Variants in SERPINA11 observed in about 807,000 individuals in gnomAD.
SERPINA11 encodes the protein serpin A11.
Under a neutral mutation model 29.4 loss-of-function variants are expected in SERPINA11, and 28 were observed. The observed-to-expected ratio is 0.95, with a 90% CI of 0.70 to 1.30. SERPINA11 has a LOEUF of 1.30. Ranked by LOEUF, SERPINA11 falls within the 50% of genes most tolerant of loss-of-function variation. The pLI, the probability that SERPINA11 is intolerant of heterozygous loss-of-function variation, is 0.00. For missense variants in SERPINA11, 530 were observed against 507.3 expected (o/e 1.04, Z -0.43); for synonymous variants, 253 against 206.6 (o/e 1.22, Z -1.92).
rs1423420871 is a variant in SERPINA11, at chr14:94,448,183, C to T, written c.592G>A (p.Glu198Lys). 6 of 1,614,230 alleles carry T rather than the reference C, an allele frequency of 3.7e-6. No individual in the cohort carries two copies. The highest frequency in any genetic ancestry group is 1.3e-5 in the African/African-American group (1 of 75,072). The change falls in exon 2 of 5, where the codon GAG (glutamate) becomes AAG (lysine). Residue 198 changes from glutamate to lysine, a missense_variant. Physicochemically the swap from Glu to Lys is moderately conservative, Grantham distance 56. Coordinates refer to ENST00000334708, the MANE Select transcript of SERPINA11 (RefSeq NM_001080451.2). ...TYGQVVDCLP[E>K]FSQDTFMVLA... ...ACCATGAACGTGTCCTGGCTGAACT[C>T]CGGGAGGCAGTCCACGACTTGCCCG... is the stretch of plus-strand genomic sequence containing the variant.
intron 1 of SERPINA11, among the ~76,000 whole-genome samples, chr14:94,451,528 A>C (rs1898586233): frequency 6.6e-6 from 1 of 152,206 alleles, no homozygotes; most frequent in Non-Finnish European, 1.5e-5. Flanking sequence ...TTTCTGGTTT[A>C]TTCTTTTTAT....
chr14:94,449,378 T>C, intron 1 of SERPINA11, among the ~76,000 whole-genome samples: 1 of 118,122 alleles, frequency 8.5e-6, no homozygotes, highest in Admixed American at 8.9e-5. Context: ...TTCCATAGTC[T>C]AGCCTCCCTC....
In SERPINA11 at chr14:94,448,488, G is replaced by C. The variant is rs779895184; in HGVS notation, c.287C>G (p.Ser96Ter). 1.2e-6 allele frequency: 2 copies of C among 1,614,206 alleles called. No individual in the cohort carries two copies. The highest frequency in any genetic ancestry group is 2.2e-5 in the South Asian group (2 of 91,078). Reference sequence around the variant, plus strand: ...TCCCAGGCCCTCCAGGATCAGAGCTGAGGTGTTAGCTTGGGCCCCAAGAGA... The same window carrying C: ...TCCCAGGCCCTCCAGGATCAGAGCTCAGGTGTTAGCTTGGGCCCCAAGAGA... ...LLSLGAQANT[S>*]ALILEGLGFN... Residue 96 changes from serine (S) to a stop codon, truncating the protein, a stop_gained, in exon 2 of 5, where the codon TCA (serine) becomes TGA (stop). Transcript: ENST00000334708. LOFTEE classifies it high-confidence loss of function.
intron 3 of SERPINA11, among the ~76,000 whole-genome samples, chr14:94,443,431 G>A (rs972634995): frequency 9.9e-5 from 15 of 152,116 alleles, no homozygotes; most frequent in Non-Finnish European, 2.9e-5. Context: ...GGAATATCTT[G>A]TGGCTGGATC....
In SERPINA11 at chr14:94,448,322, C is replaced by A; in HGVS notation, c.453G>T (p.Gln151His). 6.2e-7 allele frequency: 1 copy of A among 1,614,244 alleles called. No individual in the cohort carries two copies. The highest frequency in any genetic ancestry group is 8.5e-7 in the Non-Finnish European group (1 of 1,180,044). Residue 151 changes from glutamine (Q) to histidine (H), a missense_variant, in exon 2 of 5, where the codon CAG becomes CAT. Physicochemically the swap from Gln to His is conservative, Grantham distance 24. Transcript: ENST00000334708. Reference protein sequence around the residue: ...LFLDKRLKPRQHYLDSIKELY... With the variant: ...LFLDKRLKPRHHYLDSIKELY... ...GCTCCTTGATGCTGTCCAAATAGTG[C>A]TGCCGAGGCTTTAGTCGCTTGTCTA...
At chr14:94,450,594 T>C (rs776248037) in intron 1 of SERPINA11, among the ~76,000 whole-genome samples, 1 of 152,186 alleles carries the variant, frequency 6.6e-6, no homozygotes, top group Admixed American at 6.5e-5. Context: ...CCTCCAGAAC[T>C]GTGAGTCAAA....
intron 3 of SERPINA11, among the ~76,000 whole-genome samples, chr14:94,444,770 A>G (rs932791940): frequency 6.6e-6 from 1 of 152,170 alleles, no homozygotes; most frequent in Non-Finnish European, 1.5e-5. Flanking sequence ...ACTTTTGGAT[A>G]TGTGGGGTGG....
intron 3 of SERPINA11, among the ~76,000 whole-genome samples, chr14:94,443,828 G>A (rs984299975): frequency 5.3e-5 from 8 of 152,152 alleles, no homozygotes; most frequent in African/African-American, 1.4e-4. Flanking sequence ...CTGCTTCTGC[G>A]TTTGGAGCAT....
At chr14:94,442,894 G>A in intron 4 of SERPINA11, 85 bp from the exon 5 acceptor site, 12 of 1,338,976 alleles carry the variant, frequency 9.0e-6, no homozygotes, top group Non-Finnish European at 1.2e-5. Flanking sequence ...AAGAATAGAA[G>A]GGACCTAAGG....
intron 1 of SERPINA11, among the ~76,000 whole-genome samples, chr14:94,450,800 G>A (rs1186478952): frequency 6.6e-6 from 1 of 152,100 alleles, no homozygotes; most frequent in Non-Finnish European, 1.5e-5. Context: ...TGAGCTGGAG[G>A]GGGAACTGCA....
chr14:94,446,038 G>T (rs907841440), intron 3 of SERPINA11, among the ~76,000 whole-genome samples: 8 of 152,148 alleles, frequency 5.3e-5, no homozygotes, highest in Non-Finnish European at 1.2e-4. Flanking sequence ...TATAATAACA[G>T]TCAATGCCTG....
intron 1 of SERPINA11, among the ~76,000 whole-genome samples, chr14:94,450,004 G>A (rs1168511297): frequency 2.6e-5 from 4 of 152,268 alleles, no homozygotes; most frequent in Admixed American, 6.5e-5. Context: ...TGTGAGGATC[G>A]GCCATCTGGA....
chr14:94,448,199 G>C lies in SERPINA11; in HGVS notation c.576C>G (p.Val192=), dbSNP rs776243828. Residue 192 remains valine, a synonymous_variant, in exon 2 of 5, where the codon GTC becomes GTG. Coordinates refer to ENST00000334708, the MANE Select transcript of SERPINA11 (RefSeq NM_001080451.2). ...DYLRRQTYGQ[V]VDCLPEFSQD... is the part of the protein sequence containing the mutation. ...GGCTGAACTCCGGGAGGCAGTCCAC[G>C]ACTTGCCCGTATGTTTGCCTTCTCA... 3.1e-6 allele frequency: 5 copies of C among 1,614,074 alleles called. No individual in the cohort carries two copies. Among genetic ancestry groups the C allele is most frequent in the South Asian group, 2.2e-5 (2 of 91,084 alleles).
chr14:94,448,841 C>T lies in SERPINA11; in HGVS notation c.-3-64G>A. On this transcript the variant is annotated intron_variant, in intron 1 of 4. Coordinates refer to ENST00000334708, the MANE Select transcript of SERPINA11 (RefSeq NM_001080451.2). ...AATAATGTCATGATTCTCTATTGCT[C>T]ATACCACAAATCCCACCTTCACAAT... is the stretch of plus-strand genomic sequence containing the variant. The T allele has an allele frequency of 5.6e-6, 8 of 1,429,284 alleles. 1 individual carries two copies. The South Asian group carries it at 8.0e-5, about 14-fold the overall frequency. 88.5% of individuals were successfully genotyped at this position (1,429,284 alleles called of 1,614,324 possible).
chr14:94,448,190 G>T lies in SERPINA11; in HGVS notation c.585C>A (p.Cys195Ter). Reference sequence around the variant, plus strand: ...ACGTGTCCTGGCTGAACTCCGGGAGGCAGTCCACGACTTGCCCGTATGTTT... The same window carrying T: ...ACGTGTCCTGGCTGAACTCCGGGAGTCAGTCCACGACTTGCCCGTATGTTT... The part of the protein sequence containing the change: ...RRQTYGQVVD[C>*]LPEFSQDTFM... The change falls in exon 2 of 5, where the codon TGC (cysteine) becomes TGA (stop). Residue 195 changes from cysteine (C) to a stop codon, truncating the protein, a stop_gained. Transcript: ENST00000334708. LOFTEE classifies it high-confidence loss of function. 1 of 1,614,202 alleles carries T rather than the reference G, an allele frequency of 6.2e-7. No homozygotes were observed.
Position 94,446,538 on chromosome 14 carries a change from C to T in SERPINA11, c.710G>A (p.Arg237Lys), listed in dbSNP as rs747420042. 1.2e-6 allele frequency: 2 copies of T among 1,614,174 alleles called. No individual in the cohort carries two copies. The highest frequency in any genetic ancestry group is 2.2e-5 in the East Asian group (1 of 44,884). Residue 237 changes from arginine (R) to lysine (K), a missense_variant, in exon 3 of 5, where the codon AGG becomes AAG. Transcript: ENST00000334708. ...QKQESFFVDE[R>K]TSLQVPMMHQ... ...CATCATGGGGACCTGGAGAGAAGTC[C>T]TCTCATCCACAAAGAAACTTTCCTG...
rs530028351 is a variant in SERPINA11 at position 94,442,886 on chromosome 14, G to A, written c.1066-77C>T. ...GAAGACACTGTATTCCTGCCATGAAGAATAGAAGGGACCTAAGGAAGGGGA... is the reference window on the plus strand; with the variant it reads ...GAAGACACTGTATTCCTGCCATGAAAAATAGAAGGGACCTAAGGAAGGGGA... On this transcript the variant is annotated intron_variant, in intron 4 of 4. Coordinates refer to ENST00000334708, the MANE Select transcript of SERPINA11 (RefSeq NM_001080451.2). 3.0e-5 allele frequency: 41 copies of A among 1,358,890 alleles called. No individual in the cohort carries two copies. In the South Asian group the frequency reaches 5.1e-4, roughly 17 times the overall value. The allele number at this position is 1,358,890 out of a possible 1,614,324, so 84.2% of individuals were successfully genotyped here.
At chr14:94,443,974 A>G (rs533231858) in intron 3 of SERPINA11, among the ~76,000 whole-genome samples, 162 of 152,350 alleles carry the variant, frequency 1.1e-3, no homozygotes, top group Non-Finnish European at 1.8e-3. Flanking sequence ...ACCTGAAAGC[A>G]TGACTAGTTC....
rs377147164 is a variant in SERPINA11 at position 94,448,396 on chromosome 14, C to T, written c.379G>A (p.Ala127Thr). ...QGFRSLLHTL[A>T]LPSPKLELKV... ...AGTTCGAGTTTGGGGCTGGGCAGGGCAAGGGTGTGGAGGAGGCTCCGGAAG... is the reference window on the plus strand; with the variant it reads ...AGTTCGAGTTTGGGGCTGGGCAGGGTAAGGGTGTGGAGGAGGCTCCGGAAG... Residue 127 changes from alanine to threonine, a missense_variant, in exon 2 of 5, where the codon GCC (alanine) becomes ACC (threonine). Coordinates refer to ENST00000334708, the MANE Select transcript of SERPINA11 (RefSeq NM_001080451.2). 2.8e-5 allele frequency: 45 copies of T among 1,613,962 alleles called. 1 individual carries two copies. Among genetic ancestry groups the T allele is most frequent in the Non-Finnish European group, 3.8e-5 (45 of 1,180,014 alleles).
Sources: allele counts gnomAD v4.1 joint callset (sites outside exome capture counted in the v4.1 genomes callset), GRCh38; gene constraint gnomAD v4.1.1; transcripts MANE v1.5; gene names NCBI Gene and HGNC (gene_info 2026-07-23, HGNC 2026-07-21).